CHN2: variants seen among roughly 807,000 people sequenced by gnomAD.
CHN2 encodes beta-chimaerin.
In CHN2, 35 loss-of-function variants were observed where a neutral mutation model predicts 56.3. That is an observed-to-expected ratio of 0.62 (90% CI 0.47 to 0.82). CHN2 has a LOEUF of 0.82. CHN2 is among the 40% of genes least tolerant of loss of function. The pLI is 0.00. For synonymous variants in CHN2, 210 were observed against 212.8 expected, an observed-to-expected ratio of 0.99 and a Z score of 0.12; for missense variants, 491 against 580.5, an observed-to-expected ratio of 0.85 and a Z score of 1.58.
chr7:29,256,556 CA>C, intron 1 of CHN2, among the ~76,000 whole-genome samples: 1 of 152,172 alleles, frequency 6.6e-6, no homozygotes, highest in Middle Eastern at 3.2e-3. Flanking sequence ...GACCTCATTA[CA>C]AAGAAGTGGT....
chr7:29,494,857 G>T (rs990536639), intron 7 of CHN2, among the ~76,000 whole-genome samples: 12 of 144,238 alleles, frequency 8.3e-5, no homozygotes, highest in Admixed American at 6.0e-4. Flanking sequence ...TCAAACTGAG[G>T]CTCTTTTTTT....
intron 6 of CHN2, among the ~76,000 whole-genome samples, chr7:29,420,724 T>C (rs910055141): frequency 3.9e-5 from 6 of 152,194 alleles, no homozygotes; most frequent in Non-Finnish European, 5.9e-5. Context: ...TGTACAACAA[T>C]GTGAGTATGC....
At chr7:29,429,487 A>G (rs2128112464) in intron 6 of CHN2, among the ~76,000 whole-genome samples, 1 of 152,310 alleles carries the variant, frequency 6.6e-6, no homozygotes, top group East Asian at 1.9e-4. Flanking sequence ...TATAAAATCT[A>G]CTTTATAAGT....
At chr7:29,364,977 A>G (rs1229889470) in intron 2 of CHN2, among the ~76,000 whole-genome samples, 2 of 152,092 alleles carry the variant, frequency 1.3e-5, no homozygotes, top group East Asian at 1.9e-4. Context: ...TGTGTACTCT[A>G]TGTATTTTTG....
At chr7:29,335,731 G>T (rs1236326836) in intron 1 of CHN2, 3 of 152,338 alleles carry the variant, frequency 2.0e-5, no homozygotes. Context: ...TGCCTGACTA[G>T]TCCTGTCAAC....
intron 6 of CHN2, among the ~76,000 whole-genome samples, chr7:29,436,944 T>TTAATAATAA (rs141827176): frequency 8.0e-5 from 12 of 150,272 alleles, no homozygotes; most frequent in South Asian, 2.1e-4. Context: ...CTTATTAAAA[T>TTAATAATAA]TAATAATAAT....
At chr7:29,487,887 T>C (rs1562651180) in intron 7 of CHN2, among the ~76,000 whole-genome samples, 1 of 152,198 alleles carries the variant, frequency 6.6e-6, no homozygotes, top group East Asian at 1.9e-4. Flanking sequence ...GAAACCTCAC[T>C]ACTGGCAATG....
At chr7:29,471,509 G>A (rs1001865214) in intron 6 of CHN2, among the ~76,000 whole-genome samples, 1 of 152,188 alleles carries the variant, frequency 6.6e-6, no homozygotes, top group Non-Finnish European at 1.5e-5. Flanking sequence ...TGCTAAACAA[G>A]GTACTTTGGT....
chr7:29,189,830 C>T (rs1026985136), upstream of CHN2, among the ~76,000 whole-genome samples: 1 of 152,128 alleles, frequency 6.6e-6, no homozygotes, highest in African/African-American at 2.4e-5. Flanking sequence ...TACCCCCAAG[C>T]CCCCCTGCAG....
At chr7:29,471,420 G>C (rs1786020787) in intron 6 of CHN2, among the ~76,000 whole-genome samples, 1 of 152,170 alleles carries the variant, frequency 6.6e-6, no homozygotes, top group African/African-American at 2.4e-5. Flanking sequence ...CAGAACAGCT[G>C]GTGGTATCAT....
At chr7:29,327,985 T>G (rs182396618) in intron 1 of CHN2, among the ~76,000 whole-genome samples, 20 of 152,340 alleles carry the variant, frequency 1.3e-4, no homozygotes, top group Admixed American at 1.3e-3. Context: ...AGCATAATGT[T>G]TGATTGTCAG....
At chr7:29,327,932 AAG>A (rs1316019877) in intron 1 of CHN2, among the ~76,000 whole-genome samples, 1 of 152,196 alleles carries the variant, frequency 6.6e-6, no homozygotes, top group African/African-American at 2.4e-5. Context: ...AAGACAAAAA[AAG>A]TTTAAAAAAT....
At chr7:29,396,175 G>T (rs1425826413) in intron 4 of CHN2, among the ~76,000 whole-genome samples, 1 of 152,048 alleles carries the variant, frequency 6.6e-6, no homozygotes, top group Non-Finnish European at 1.5e-5. Flanking sequence ...GGGCACAGTG[G>T]CTCACACCTG....
Position 29,329,376 on chromosome 7 carries a change from C to CAAAAAA in CHN2, c.50-25228_50-25223dup, listed in dbSNP as rs10667833. 5.4e-4 allele frequency among the ~76,000 whole-genome samples: 20 copies of CAAAAAA among 37,246 alleles called. 5 individuals are homozygous for CAAAAAA. The highest frequency in any genetic ancestry group is 1.7e-3 in the African/African-American group (16 of 9,640). The allele number at this position is 37,246 out of a possible 152,430, so 24.4% of individuals were successfully genotyped here. ...ACTAGCTTTAAACCTTCAGATAAGG[C>CAAAAAA]AAAAAAAAAAAAAAAAAAAAAAAAA... On this transcript the variant is annotated intron_variant, in intron 1 of 12. Transcript: ENST00000222792.
At chr7:29,340,806 T>G (rs564051641) in intron 1 of CHN2, among the ~76,000 whole-genome samples, 4 of 152,334 alleles carry the variant, frequency 2.6e-5, no homozygotes, top group African/African-American at 9.6e-5. Flanking sequence ...ATGTAGGTAA[T>G]TCCCTGGCAC....
intron 1 of CHN2, among the ~76,000 whole-genome samples, chr7:29,223,292 G>T (rs1785941332): frequency 6.6e-6 from 1 of 152,004 alleles, no homozygotes; most frequent in African/African-American, 2.4e-5. Flanking sequence ...ATATGATCAG[G>T]TCTTCTTCCA....
intron 1 of CHN2, among the ~76,000 whole-genome samples, chr7:29,316,533 G>C (rs1451162021): frequency 2.0e-5 from 3 of 152,130 alleles, no homozygotes; most frequent in Non-Finnish European, 4.4e-5. Flanking sequence ...TATCATGCAG[G>C]TTCCTTAGAA....
Position 29,183,107 on chromosome 7 carries a change from G to A in CHN2, c.274+36147G>A, listed in dbSNP as rs532572397. Among the ~76,000 whole-genome samples the A allele has an allele frequency of 3.4e-5, 5 of 146,208 alleles. No homozygotes were observed. In the South Asian group the frequency reaches 8.7e-4, roughly 25 times the overall value. ...TTTTTTTTTTTTTTTTTTTTGAAACGGAGTTTCGCTTTTGTTGCCTAGGCT... is the reference window on the plus strand; with the variant it reads ...TTTTTTTTTTTTTTTTTTTTGAAACAGAGTTTCGCTTTTGTTGCCTAGGCT... On this transcript the variant is annotated intron_variant, in intron 2 of 6. Transcript: ENST00000439384.
intron 6 of CHN2, among the ~76,000 whole-genome samples, chr7:29,412,799 G>A (rs1011006665): frequency 4.6e-5 from 7 of 150,746 alleles, no homozygotes; most frequent in Non-Finnish European, 8.8e-5. Flanking sequence ...TACAACAGAT[G>A]AGCAGTTGGG....
Sources: gnomAD v4.1 joint callset for allele counts (sites outside exome capture counted in the v4.1 genomes callset) on GRCh38, gnomAD v4.1.1 for gene constraint, MANE v1.5 for transcripts, NCBI Gene and HGNC (gene_info 2026-07-23, HGNC 2026-07-21) for gene names.